CLASP1: variants seen among roughly 807,000 people sequenced by gnomAD.
CLASP1 encodes CLIP-associating protein 1.
Under a neutral mutation model 192.3 loss-of-function variants are expected in CLASP1, and 38 were observed. That is an observed-to-expected ratio of 0.20 (90% CI 0.15 to 0.26). The LOEUF is 0.26. Among genes scored for constraint, CLASP1 ranks in the 10% least tolerant of loss-of-function variants. The pLI, the probability that CLASP1 is intolerant of heterozygous loss-of-function variation, is 1.00. For missense variants in CLASP1, 1,433 were observed against 1,932.5 expected (o/e 0.74, Z 4.85); for synonymous variants, 691 against 712.8 (o/e 0.97, Z 0.49).
rs545215316 is a variant in CLASP1 at position 121,612,517 on chromosome 2, G to A, written c.-285-6337C>T. 2.1e-3 allele frequency among the ~76,000 whole-genome samples: 312 copies of A among 151,902 alleles called. 1 individual carries two copies. Among genetic ancestry groups the A allele is most frequent in the African/African-American group, 6.0e-3 (249 of 41,420 alleles). On this transcript the variant is annotated intron_variant, in intron 1 of 39. Transcript: ENST00000263710. ...GAGGGAAAAGAGGAGGAGGAGTTGA[G>A]GGAGTTGGAAGAGAAGGAGAAAAAG...
chr2:121,388,114 T>A, intron 30 of CLASP1: 1 of 479,412 alleles, frequency 2.1e-6, no homozygotes, highest in Non-Finnish European at 3.7e-6. Context: ...TTCATTTTAA[T>A]GCCCTCTGGC....
chr2:121,627,811 T>C (rs2068668119), intron 1 of CLASP1, among the ~76,000 whole-genome samples: 1 of 152,256 alleles, frequency 6.6e-6, no homozygotes, highest in Non-Finnish European at 1.5e-5. Context: ...AATTTAGATC[T>C]TATTATGTTA....
chr2:121,492,674 T>TAAAAAAAA (rs200482614), intron 8 of CLASP1, among the ~76,000 whole-genome samples: 1 of 123,854 alleles, frequency 8.1e-6, no homozygotes, highest in Non-Finnish European at 1.9e-5. Context: ...TTAAAAAAAA[T>TAAAAAAAA]AAAAAAAAAA....
chr2:121,354,508 T>C (rs1294560934), intron 37 of CLASP1, among the ~76,000 whole-genome samples: 1 of 151,996 alleles, frequency 6.6e-6, no homozygotes, highest in Admixed American at 6.5e-5. Flanking sequence ...CACAGCTGAG[T>C]GGATGGTGAA....
chr2:121,530,170 G>T, intron 3 of CLASP1, 77 bp downstream of exon 3: 1 of 1,325,834 alleles, frequency 7.5e-7, no homozygotes, highest in Non-Finnish European at 1.0e-6. Context: ...TGCCGGGAGG[G>T]TTTGGGAGCC....
intron 2 of CLASP1, among the ~76,000 whole-genome samples, chr2:121,596,238 C>T (rs1278377401): frequency 6.6e-6 from 1 of 152,136 alleles, no homozygotes; most frequent in African/African-American, 2.4e-5. Context: ...TGTAGCTTTT[C>T]TACTTATGAC....
At chr2:121,493,271 A>G (rs561681037) in intron 8 of CLASP1, among the ~76,000 whole-genome samples, 15 of 152,322 alleles carry the variant, frequency 9.8e-5, no homozygotes, top group Non-Finnish European at 2.2e-4. Context: ...TTTTTGTGGC[A>G]GCATGGTACT....
chr2:121,631,763 C>T (rs989764774), intron 1 of CLASP1, among the ~76,000 whole-genome samples: 3 of 151,228 alleles, frequency 2.0e-5, no homozygotes, highest in Non-Finnish European at 4.4e-5. Context: ...ATACAAAAAT[C>T]GGGCCAGGCG....
At chr2:121,546,716 G>A (rs1413319050) in intron 2 of CLASP1, among the ~76,000 whole-genome samples, 2 of 152,136 alleles carry the variant, frequency 1.3e-5, no homozygotes, top group Non-Finnish European at 2.9e-5. Flanking sequence ...AGAGACCCGA[G>A]AGCCTTAGAT....
intron 2 of CLASP1, among the ~76,000 whole-genome samples, chr2:121,542,634 AC>A (rs2095257003): frequency 6.6e-6 from 1 of 152,142 alleles, no homozygotes; most frequent in African/African-American, 2.4e-5. Flanking sequence ...TAACAATGCC[AC>A]TGCGCAGTCT....
intron 8 of CLASP1, among the ~76,000 whole-genome samples, chr2:121,472,441 T>C (rs1358323241): frequency 6.6e-6 from 1 of 152,198 alleles, no homozygotes; most frequent in East Asian, 1.9e-4. Flanking sequence ...GATTTGTTTG[T>C]TTCTCCCTGC....
chr2:121,416,698 C>T (rs1255603001), intron 23 of CLASP1, among the ~76,000 whole-genome samples: 3 of 152,178 alleles, frequency 2.0e-5, no homozygotes, highest in Admixed American at 6.5e-5. Context: ...AATATATTTT[C>T]GAGAAACAGA....
intron 1 of CLASP1, among the ~76,000 whole-genome samples, chr2:121,630,855 C>T (rs188467754): frequency 9.6e-4 from 102 of 106,040 alleles, no homozygotes; most frequent in African/African-American, 2.3e-3. Flanking sequence ...AGCGAAACTA[C>T]GTCTCAAAAA....
At chr2:121,339,131 C>CCACATACACACA (rs1553443051) in exon 40 of CLASP1, 43 of 143,606 alleles carry the variant, frequency 3.0e-4, no homozygotes, top group African/African-American at 1.1e-3. Context: ...ACACACAACA[C>CCACATACACACA]CACACACACA....
chr2:121,489,736 T>C (rs911707637), intron 8 of CLASP1, among the ~76,000 whole-genome samples: 1 of 152,250 alleles, frequency 6.6e-6, no homozygotes, highest in Non-Finnish European at 1.5e-5. Flanking sequence ...AATACTTCTT[T>C]TGTAGTTTTC....
At chr2:121,459,793 G>T in intron 12 of CLASP1, 187 bp downstream of exon 12, 1 of 431,256 alleles carries the variant, frequency 2.3e-6, no homozygotes, top group Non-Finnish European at 4.0e-6. Context: ...TTTAAAATCT[G>T]TCACACTTCA....
chr2:121,501,153 T>C (rs1338054968), intron 8 of CLASP1, among the ~76,000 whole-genome samples: 1 of 152,230 alleles, frequency 6.6e-6, no homozygotes, highest in Non-Finnish European at 1.5e-5. Flanking sequence ...TTCTGTTTCA[T>C]AGCTGTCATA....
At chr2:121,345,085 G>T (rs1476580538) in intron 39 of CLASP1, among the ~76,000 whole-genome samples, 1 of 152,198 alleles carries the variant, frequency 6.6e-6, no homozygotes, top group Non-Finnish European at 1.5e-5. Flanking sequence ...CTTGAACCTG[G>T]GAGACAGAGG....
intron 37 of CLASP1, among the ~76,000 whole-genome samples, chr2:121,349,692 T>C (rs952333288): frequency 1.3e-4 from 20 of 152,322 alleles, no homozygotes; most frequent in African/African-American, 4.8e-4. Context: ...TAGGACTCTG[T>C]GCTCACGATG....
Sources: allele counts gnomAD v4.1 joint callset (sites outside exome capture counted in the v4.1 genomes callset), GRCh38; gene constraint gnomAD v4.1.1; transcripts MANE v1.5; gene names NCBI Gene and HGNC (gene_info 2026-07-23, HGNC 2026-07-21).